Variants in ANKRD34C observed in about 807,000 individuals in gnomAD.
ANKRD34C encodes ankyrin repeat domain-containing protein 34C.
For missense variants in ANKRD34C, 563 were observed against 653.0 expected, an observed-to-expected ratio of 0.86 and a Z score of 1.50; for synonymous variants, 260 against 253.6, an observed-to-expected ratio of 1.03 and a Z score of -0.24.
chr15:79,284,242 T>C (rs1358054302), intron 1 of ANKRD34C, among the ~76,000 whole-genome samples: 8 of 152,194 alleles, frequency 5.3e-5, no homozygotes. Flanking sequence ...GGCTGCGCTC[T>C]TAAACGCTGC....
intron 1 of ANKRD34C, among the ~76,000 whole-genome samples, chr15:79,290,323 C>G (rs939072548): frequency 2.0e-5 from 3 of 151,956 alleles, no homozygotes; most frequent in African/African-American, 4.8e-5. Context: ...TCATGCCCAG[C>G]CTATTTTCTT....
At chr15:79,287,302 G>A (rs1310799773) in intron 1 of ANKRD34C, among the ~76,000 whole-genome samples, 1 of 151,938 alleles carries the variant, frequency 6.6e-6, no homozygotes, top group Non-Finnish European at 1.5e-5. Context: ...GATAAAATGG[G>A]GATAATAATA....
Position 79,294,660 on chromosome 15 carries a change from G to T in ANKRD34C, c.1376G>T (p.Arg459Met). 1 of 1,551,672 alleles carries T rather than the reference G, an allele frequency of 6.4e-7. No homozygotes were observed. Among genetic ancestry groups the T allele is most frequent in the Non-Finnish European group, 8.7e-7 (1 of 1,146,990 alleles). Residue 459 changes from arginine (R) to methionine (M), a missense_variant, in exon 2 of 2, where the codon AGG (arginine) becomes ATG (methionine). Physicochemically the swap from Arg to Met is moderately conservative, Grantham distance 91 (BLOSUM62 -1). Transcript: ENST00000421388. ...CTCCTTGATCGCATTTCTCACACTA[G>T]GCCTGGCTTCCTGCCGCCTTTAAAT... ...TLLLDRISHT[R>M]PGFLPPLNVN...
rs932758594 is a variant in ANKRD34C, at chr15:79,294,767, G to A, written c.1483G>A (p.Val495Ile). ...TCTTGCTAGTGGCTTAAAATCTATG[G>A]TTCCTGTTGCTCCAAGTTCACCAAA... Reference protein sequence around the residue: ...CSLASGLKSMVPVAPSSPKRV... With the variant: ...CSLASGLKSMIPVAPSSPKRV... Residue 495 changes from valine (V) to isoleucine (I), a missense_variant, in exon 2 of 2, where the codon GTT (valine) becomes ATT (isoleucine). Coordinates refer to ENST00000421388, the MANE Select transcript of ANKRD34C (RefSeq NM_001146341.2). The A allele has an allele frequency of 5.8e-6, 9 of 1,551,584 alleles. No homozygotes were observed. The highest frequency in any genetic ancestry group is 2.0e-5 in the Admixed American group (1 of 50,980).
intron 1 of ANKRD34C, among the ~76,000 whole-genome samples, chr15:79,291,285 G>T (rs1567015934): frequency 6.6e-6 from 1 of 152,164 alleles, no homozygotes; most frequent in Non-Finnish European, 1.5e-5. Context: ...TTTGAAGATA[G>T]AATGTGAAGA....
intron 1 of ANKRD34C, among the ~76,000 whole-genome samples, chr15:79,285,977 A>G (rs749733647): frequency 6.6e-5 from 10 of 152,232 alleles, no homozygotes; most frequent in African/African-American, 1.2e-4. Context: ...CTTAAAAAAT[A>G]TAAGACATCT....
intron 1 of ANKRD34C, among the ~76,000 whole-genome samples, chr15:79,288,145 A>G (rs2058650061): frequency 6.6e-6 from 1 of 152,052 alleles, no homozygotes; most frequent in Admixed American, 6.5e-5. Context: ...TGGTAGAAAA[A>G]CCTTCCTGAA....
intron 1 of ANKRD34C, among the ~76,000 whole-genome samples, chr15:79,285,780 A>T (rs565748277): frequency 6.6e-6 from 1 of 152,312 alleles, no homozygotes; most frequent in East Asian, 1.9e-4. Flanking sequence ...GCCAAGCAAG[A>T]CATGACTGTG....
At position 79,293,254 on chromosome 15, in the gene ANKRD34C, T is replaced by C; in HGVS notation, c.-31T>C. On this transcript the variant is annotated 5_prime_UTR_variant, in exon 2 of 2. Transcript: ENST00000421388. Reference sequence around the variant, plus strand: ...TTCCTTTGCTAGGTTTGATTGCTACTGTGGCTCAGGTCCTCTAAACTGTAG... The same window carrying C: ...TTCCTTTGCTAGGTTTGATTGCTACCGTGGCTCAGGTCCTCTAAACTGTAG... 1 of 1,474,488 alleles carries C rather than the reference T, an allele frequency of 6.8e-7. No individual in the cohort carries two copies. The highest frequency in any genetic ancestry group is 9.0e-7 in the Non-Finnish European group (1 of 1,111,612). The allele number at this position is 1,474,488 out of a possible 1,614,324, so 91.3% of individuals were successfully genotyped here. A position where few individuals can be genotyped will look rare whatever the true frequency, so the allele number is the denominator to read the frequency against.
At position 79,296,973 on chromosome 15, in the gene ANKRD34C, C is replaced by CTAG. The variant is rs1300612125; in HGVS notation, c.*2083_*2085dup. 1.2e-5 allele frequency: 2 copies of CTAG among 167,088 alleles called. No homozygotes were observed. Among genetic ancestry groups the CTAG allele is most frequent in the Non-Finnish European group, 2.9e-5 (2 of 68,134 alleles). The allele number at this position is 167,088 out of a possible 1,614,324, so 10.4% of individuals were successfully genotyped here. A position where few individuals can be genotyped will look rare whatever the true frequency, so the allele number is the denominator to read the frequency against. On this transcript the variant is annotated 3_prime_UTR_variant, in exon 2 of 2. Transcript: ENST00000421388. ...GCTTTAGTAAGAGGACTAATCAATA[C>CTAG]TAGTGTTGGGCCTTCAGGATTCTTG...
rs2058673551 is a variant in ANKRD34C, at chr15:79,296,852, C to G, written c.*1960C>G. The G allele has an allele frequency of 6.0e-6, 1 of 167,074 alleles. No individual in the cohort carries two copies. Among genetic ancestry groups the G allele is most frequent in the African/African-American group, 2.4e-5 (1 of 41,454 alleles). The allele number at this position is 167,074 out of a possible 1,614,324, so 10.3% of individuals were successfully genotyped here. ...ACCTTCGTTGATCTCTACTGCTAGA[C>G]CTATCGTATATGTCAAGAACAACAA... On this transcript the variant is annotated 3_prime_UTR_variant, in exon 2 of 2. Coordinates refer to ENST00000421388, the MANE Select transcript of ANKRD34C (RefSeq NM_001146341.2).
intron 1 of ANKRD34C, among the ~76,000 whole-genome samples, chr15:79,284,455 G>A (rs993431689): frequency 2.1e-4 from 32 of 152,192 alleles, no homozygotes; most frequent in African/African-American, 7.5e-4. Context: ...AAAAGTGTCA[G>A]GGGAGGGTGG....
At position 79,296,001 on chromosome 15, in the gene ANKRD34C, G is replaced by A. The variant is rs1438219407; in HGVS notation, c.*1109G>A. ...CTGCACAACCCTTTTAGGCTGCTTT[G>A]AGCAAATCCAAGAAGGAAAGCAGAG... On this transcript the variant is annotated 3_prime_UTR_variant, in exon 2 of 2. Coordinates refer to ENST00000421388, the MANE Select transcript of ANKRD34C (RefSeq NM_001146341.2). 2 of 167,100 alleles carry A rather than the reference G, an allele frequency of 1.2e-5. No individual in the cohort carries two copies. The highest frequency in any genetic ancestry group is 2.9e-5 in the Non-Finnish European group (2 of 68,126). 10.4% of individuals were successfully genotyped at this position (167,100 alleles called of 1,614,324 possible).
rs1470082406 is a variant in ANKRD34C at position 79,294,342 on chromosome 15, A to G, written c.1058A>G (p.Gln353Arg). The G allele has an allele frequency of 6.4e-7, 1 of 1,551,674 alleles. No homozygotes were observed. Residue 353 changes from glutamine (Q) to arginine (R), a missense_variant, in exon 2 of 2, where the codon CAA becomes CGA. Coordinates refer to ENST00000421388, the MANE Select transcript of ANKRD34C (RefSeq NM_001146341.2). The stretch of plus-strand genomic sequence containing the variant: ...AGGAGAGGAACTCTCCCTGTTGACC[A>G]AGAGAAATGTGGTATGGGTCCATCA... ...LARRGTLPVD[Q>R]EKCGMGPSGP...
At position 79,294,182 on chromosome 15, in the gene ANKRD34C, A is replaced by C; in HGVS notation, c.898A>C (p.Asn300His). 6.4e-7 allele frequency: 1 copy of C among 1,551,600 alleles called. No individual in the cohort carries two copies. Among genetic ancestry groups the C allele is most frequent in the Non-Finnish European group, 8.7e-7 (1 of 1,146,976 alleles). The change falls in exon 2 of 2, where the codon AAC (asparagine) becomes CAC (histidine). Residue 300 changes from asparagine to histidine, a missense_variant. Asn to His is a moderately conservative substitution (Grantham distance 68, BLOSUM62 1). Coordinates refer to ENST00000421388, the MANE Select transcript of ANKRD34C (RefSeq NM_001146341.2). ...FPKRGPLSRT[N>H]SIDSKDPTLF... ...TAAAAGGGGGCCCCTCTCCAGAACC[A>C]ACAGTATCGATAGCAAAGACCCCAC...
At chr15:79,285,553 C>A (rs2058641277) in intron 1 of ANKRD34C, among the ~76,000 whole-genome samples, 1 of 152,286 alleles carries the variant, frequency 6.6e-6, no homozygotes, top group South Asian at 2.1e-4. Flanking sequence ...TAAGCAGCTA[C>A]AAAATGACAG....
chr15:79,291,400 C>G (rs1397595593), intron 1 of ANKRD34C, among the ~76,000 whole-genome samples: 3 of 152,164 alleles, frequency 2.0e-5, no homozygotes, highest in Non-Finnish European at 2.9e-5. Flanking sequence ...AGACATTCCA[C>G]TCATTCATCT....
In ANKRD34C at chr15:79,298,050, G is replaced by C. The variant is rs909304722; in HGVS notation, c.*3158G>C. On this transcript the variant is annotated 3_prime_UTR_variant, in exon 2 of 2. Transcript: ENST00000421388. The stretch of plus-strand genomic sequence containing the variant: ...AGTAAATGGTACCTTGCAAATGTAG[G>C]TTGTGTCTGACCTTCTTTCTTTTTG... The C allele has an allele frequency of 6.0e-6, 1 of 166,850 alleles. No homozygotes were observed. The highest frequency in any genetic ancestry group is 6.6e-5 in the Admixed American group (1 of 15,260). The allele number at this position is 166,850 out of a possible 1,614,324, so 10.3% of individuals were successfully genotyped here.
At chr15:79,283,285 G>A (rs1407675379) in intron 1 of ANKRD34C, among the ~76,000 whole-genome samples, 57 bp downstream of exon 1, 1 of 152,278 alleles carries the variant, frequency 6.6e-6, no homozygotes, top group African/African-American at 2.4e-5. Flanking sequence ...TCGAGCTCCC[G>A]AGAAGTCGGT....
Sources: allele counts gnomAD v4.1 joint callset (sites outside exome capture counted in the v4.1 genomes callset), GRCh38; gene constraint gnomAD v4.1.1; transcripts MANE v1.5; gene names NCBI Gene and HGNC (gene_info 2026-07-23, HGNC 2026-07-21).